The following NPRL3 variants were observed in gnomAD, a reference collection of about 807,000 sequenced individuals.
NPRL3 encodes NPR3 like, GATOR1 complex subunit.
A neutral mutation model predicts 57.2 loss-of-function variants in NPRL3; 23 were observed. That is an observed-to-expected ratio of 0.40 (90% CI 0.29 to 0.57). The LOEUF is 0.57. Ranked by LOEUF, NPRL3 falls within the 20% of genes least tolerant of loss-of-function variation. The pLI is 0.42. For missense variants in NPRL3, 691 were observed against 767.1 expected (o/e 0.90, Z 1.17); for synonymous variants, 333 against 321.1 (o/e 1.04, Z -0.39).
intron 2 of NPRL3, among the ~76,000 whole-genome samples, chr16:131,576 T>G: frequency 1.7e-5 from 2 of 116,444 alleles, no homozygotes; most frequent in Non-Finnish European, 1.6e-5. Context: ...TGAGCCTGGG[T>G]GACAGAGTGA....
intron 11 of NPRL3, chr16:90,598 A>G (rs979414713): frequency 6.6e-6 from 1 of 152,460 alleles, no homozygotes; most frequent in African/African-American, 2.4e-5. Context: ...TCCAGTCCCC[A>G]TGAGAAAGTA....
At chr16:130,415 C>T in intron 3 of NPRL3, 107 bp downstream of exon 3, 1 of 1,114,464 alleles carries the variant, frequency 9.0e-7, no homozygotes, top group Non-Finnish European at 1.3e-6. Flanking sequence ...AAAAAACAAA[C>T]ACCAGACTTC....
chr16:124,707 T>C (rs1012136015), intron 3 of NPRL3, among the ~76,000 whole-genome samples: 4 of 152,258 alleles, frequency 2.6e-5, no homozygotes, highest in Non-Finnish European at 5.9e-5. Flanking sequence ...GTGGTCATGG[T>C]GGATCCATAT....
chr16:91,814 C>G (rs186851324), intron 11 of NPRL3, among the ~76,000 whole-genome samples: 1 of 152,362 alleles, frequency 6.6e-6, no homozygotes, highest in Non-Finnish European at 1.5e-5. Flanking sequence ...TGAGAACACC[C>G]AGCTCGTCTG....
chr16:120,478 G>GC (rs1900236035), intron 3 of NPRL3, among the ~76,000 whole-genome samples: 1 of 152,180 alleles, frequency 6.6e-6, no homozygotes, highest in African/African-American at 2.4e-5. Context: ...ATAGCAAATG[G>GC]CAAGTAGCTA....
intron 8 of NPRL3, among the ~76,000 whole-genome samples, chr16:99,842 A>T (rs1000295456): frequency 6.6e-6 from 1 of 151,092 alleles, no homozygotes; most frequent in Non-Finnish European, 1.5e-5. Context: ...CTGAGGCAGG[A>T]GAATCACTTG....
At chr16:130,408 AAAC>A (rs1567148041) in intron 3 of NPRL3, 111 bp downstream of exon 3, 1 of 440,466 alleles carries the variant, frequency 2.3e-6, no homozygotes, top group Non-Finnish European at 3.2e-6. Flanking sequence ...AAACGGAAAA[AAAC>A]AAACACCAGA....
At chr16:137,045 TAAAAAAAAAAAAA>T (rs71391116) in intron 2 of NPRL3, among the ~76,000 whole-genome samples, 3 of 66,080 alleles carry the variant, frequency 4.5e-5, no homozygotes, top group Non-Finnish European at 8.4e-5. Flanking sequence ...CCATCTCTAC[TAAAAAAAAAAAAA>T]AAAAAAAAAA....
At chr16:123,396 C>T in intron 3 of NPRL3, 2 of 451,228 alleles carry the variant, frequency 4.4e-6, no homozygotes, top group Non-Finnish European at 9.3e-6. Flanking sequence ...CGCCTGTGTG[C>T]CTCATCAGTC....
At chr16:115,110 G>C (rs538446601) in intron 5 of NPRL3, among the ~76,000 whole-genome samples, 1 of 151,694 alleles carries the variant, frequency 6.6e-6, no homozygotes, top group Admixed American at 6.6e-5. Flanking sequence ...AGGTAGCTGG[G>C]ACTACAGGCG....
rs1300716374 is a variant in NPRL3 at position 100,421 on chromosome 16, AGGCCGCATAGTGGATCTTGTGGGGCAG to A, written c.691_717del (p.Leu231_Ala239del). 1 of 1,604,160 alleles carries A rather than the reference AGGCCGCATAGTGGATCTTGTGGGGCAG, an allele frequency of 6.2e-7. No homozygotes were observed. The highest frequency in any genetic ancestry group is 8.5e-7 in the Non-Finnish European group (1 of 1,176,256). On this transcript the variant is annotated inframe_deletion, in exon 8 of 14. Transcript: ENST00000611875. ...ATGGCCTCTGGGGGGATCAGACTGGAGGCCGCATAGTGGATCTTGTGGGGCAGGCAGAAGCTCACCTCCAGCCAGCTG... is the reference window on the plus strand; with the variant it reads ...ATGGCCTCTGGGGGGATCAGACTGGAGCAGAAGCTCACCTCCAGCCAGCTG...
intron 7 of NPRL3, among the ~76,000 whole-genome samples, chr16:101,900 C>A (rs1899315334): frequency 6.6e-6 from 1 of 152,234 alleles, no homozygotes; most frequent in African/African-American, 2.4e-5. Context: ...CCCATTGACA[C>A]TCCAACCCCT....
intron 7 of NPRL3, among the ~76,000 whole-genome samples, chr16:103,884 A>C (rs1489195768): frequency 1.3e-5 from 2 of 152,226 alleles, no homozygotes; most frequent in East Asian, 3.9e-4. Flanking sequence ...GGAGGCTGAG[A>C]TGGGCAGATC....
chr16:126,191 G>C (rs183651368), intron 3 of NPRL3: 1 of 151,818 alleles, frequency 6.6e-6, no homozygotes. Flanking sequence ...CTGAGGTCAG[G>C]GTTCTCCATG....
chr16:88,387 CAAAA>C (rs56670370), intron 13 of NPRL3, among the ~76,000 whole-genome samples: 4 of 130,962 alleles, frequency 3.1e-5, no homozygotes, highest in African/African-American at 9.6e-5. Context: ...GACTCCGTCT[CAAAA>C]AAAAAAAAAA....
At chr16:89,186 C>A (rs1473433792) in intron 12 of NPRL3, 6 of 422,272 alleles carry the variant, frequency 1.4e-5, no homozygotes, top group African/African-American at 7.9e-5. Flanking sequence ...TGTCCCTCAC[C>A]CAGGATGGAG....
intron 13 of NPRL3, 32 bp from the exon 14 acceptor site, chr16:86,902 T>A: frequency 6.3e-7 from 1 of 1,597,084 alleles, no homozygotes; most frequent in Non-Finnish European, 8.5e-7. Flanking sequence ...GAGCCCAACC[T>A]GACACCAGCC....
At chr16:133,802 G>C (rs1372990169) in intron 2 of NPRL3, among the ~76,000 whole-genome samples, 1 of 152,152 alleles carries the variant, frequency 6.6e-6, no homozygotes, top group Admixed American at 6.5e-5. Flanking sequence ...TCTAGCTTTT[G>C]ATTTAATGTG....
intron 2 of NPRL3, among the ~76,000 whole-genome samples, chr16:131,365 G>A (rs370669912): frequency 6.8e-6 from 1 of 146,944 alleles, no homozygotes; most frequent in Non-Finnish European, 1.5e-5. Flanking sequence ...TGTAGTCCCA[G>A]CTACTCTGGA....
Sources: allele counts gnomAD v4.1 joint callset (sites outside exome capture counted in the v4.1 genomes callset), GRCh38; gene constraint gnomAD v4.1.1; transcripts MANE v1.5; gene names NCBI Gene and HGNC (gene_info 2026-07-23, HGNC 2026-07-21).